FOXL1: variants seen among roughly 807,000 people sequenced by gnomAD.
FOXL1 encodes forkhead box L1.
Under a neutral mutation model 1.7 loss-of-function variants are expected in FOXL1, and 2 were observed. The observed-to-expected ratio is 1.21, with a 90% CI of 0.49 to 3.80. The LOEUF is 3.80. Among genes scored for constraint, FOXL1 ranks in the 30% most tolerant of loss-of-function variants. The probability of loss-of-function intolerance (pLI) is 0.07; values close to 1 mark genes in which losing one functional copy is unlikely to be tolerated. For synonymous variants in FOXL1, 280 were observed against 229.3 expected (o/e 1.22, Z -2.00); for missense variants, 565 against 495.8 (o/e 1.14, Z -1.32).
In FOXL1 at chr16:86,579,887, G is replaced by T; in HGVS notation, c.*126G>T. The T allele has an allele frequency of 2.0e-6, 2 of 988,250 alleles. No individual in the cohort carries two copies. Among genetic ancestry groups the T allele is most frequent in the Non-Finnish European group, 3.0e-6 (2 of 667,622 alleles). 61.2% of individuals were successfully genotyped at this position (988,250 alleles called of 1,614,324 possible). A position where few individuals can be genotyped will look rare whatever the true frequency, so the allele number is the denominator to read the frequency against. On this transcript the variant is annotated 3_prime_UTR_variant, in exon 1 of 1. Coordinates refer to ENST00000320241, the MANE Select transcript of FOXL1 (RefSeq NM_005250.3). Reference sequence around the variant, plus strand: ...TGGGTCGGCCTGTGGGTTCAGGGAAGTGTTACCAACCATTGCGCGCAGGTG... The same window carrying T: ...TGGGTCGGCCTGTGGGTTCAGGGAATTGTTACCAACCATTGCGCGCAGGTG...
chr16:86,579,901 T>C lies in FOXL1; in HGVS notation c.*140T>C, dbSNP rs1409999622. 2.4e-6 allele frequency: 2 copies of C among 850,062 alleles called. No individual in the cohort carries two copies. The highest frequency in any genetic ancestry group is 3.4e-5 in the African/African-American group (2 of 58,414). The allele number at this position is 850,062 out of a possible 1,614,324, so 52.7% of individuals were successfully genotyped here. The stretch of plus-strand genomic sequence containing the variant: ...GGTTCAGGGAAGTGTTACCAACCAT[T>C]GCGCGCAGGTGGGCGCGCTCGCCTG... On this transcript the variant is annotated 3_prime_UTR_variant, in exon 1 of 1. Transcript: ENST00000320241.
rs138954668 is a variant in FOXL1 at position 86,579,615 on chromosome 16, C to T, written c.892C>T (p.Leu298=). 20 of 1,613,206 alleles carry T rather than the reference C, an allele frequency of 1.2e-5. No individual in the cohort carries two copies. Among genetic ancestry groups the T allele is most frequent in the Admixed American group, 3.3e-5 (2 of 60,000 alleles). The change falls in exon 1 of 1, where the codon CTG becomes TTG. Residue 298 remains leucine, a synonymous_variant. Coordinates refer to ENST00000320241, the MANE Select transcript of FOXL1 (RefSeq NM_005250.3). ...CGGCGGCCGTCTGGGTGCCTCGCTC[C>T]TGGCCGCCTCCTCCAGCCTCCGTCC... ...GPGGRLGASL[L]AASSSLRPPF... is the part of the protein sequence containing the mutation.
In FOXL1 at chr16:86,579,263, C is replaced by T. The variant is rs1248341217; in HGVS notation, c.540C>T (p.Gly180=). ...CGGGGAGCGGGGCAGGGGGCTCGGG[C>T]CCCGCAATCTCCCGCCTGCAGGCAG... ...PEAGSGAGGS[G]PAISRLQAAP... The change falls in exon 1 of 1, where the codon GGC becomes GGT. Residue 180 remains glycine (G), a synonymous_variant. Transcript: ENST00000320241. 4 of 849,322 alleles carry T rather than the reference C, an allele frequency of 4.7e-6. No homozygotes were observed. The highest frequency in any genetic ancestry group is 1.9e-5 in the African/African-American group (1 of 53,402). 52.6% of individuals were successfully genotyped at this position (849,322 alleles called of 1,614,324 possible). A position where few individuals can be genotyped will look rare whatever the true frequency, so the allele number is the denominator to read the frequency against.
rs899095762 is a variant in FOXL1 at position 86,582,458 on chromosome 16, C to G, written c.*2697C>G. 1.1e-4 allele frequency among the ~76,000 whole-genome samples: 16 copies of G among 152,200 alleles called. No individual in the cohort carries two copies. Among genetic ancestry groups the G allele is most frequent in the African/African-American group, 3.9e-4 (16 of 41,442 alleles). On this transcript the variant is annotated 3_prime_UTR_variant, in exon 1 of 1. Coordinates refer to ENST00000320241, the MANE Select transcript of FOXL1 (RefSeq NM_005250.3). The stretch of plus-strand genomic sequence containing the variant: ...TGAAGGAATACCTCTCTGCTCTCAT[C>G]TAAACAAAGGGAACAGATCTGTCTT...
In FOXL1 at chr16:86,580,868, G is replaced by A. The variant is rs1024265074; in HGVS notation, c.*1107G>A. The A allele has an allele frequency of 3.0e-5, 5 of 166,988 alleles. No individual in the cohort carries two copies. Among genetic ancestry groups the A allele is most frequent in the Admixed American group, 2.0e-4 (3 of 15,270 alleles). 10.3% of individuals were successfully genotyped at this position (166,988 alleles called of 1,614,324 possible). On this transcript the variant is annotated 3_prime_UTR_variant, in exon 1 of 1. Transcript: ENST00000320241. ...TGCAGAGAGAGAGAGGGATGAATGC[G>A]GGGGAAGAATAAGGGGACGTGCTGG...
chr16:86,579,793 C>T lies in FOXL1; in HGVS notation c.*32C>T, dbSNP rs1292145528. On this transcript the variant is annotated 3_prime_UTR_variant, in exon 1 of 1. Transcript: ENST00000320241. ...CAATGGCACGGTTCTTCTCCCGGCC[C>T]AGCCTGAGCCTCCGCTGAGCGAAAG... The T allele has an allele frequency of 1.3e-6, 2 of 1,576,204 alleles. No individual in the cohort carries two copies.
Position 86,582,539 on chromosome 16 carries a change from A to G in FOXL1, c.*2778A>G, listed in dbSNP as rs1013670264. Among the ~76,000 whole-genome samples the G allele has an allele frequency of 2.6e-5, 4 of 152,088 alleles. No individual in the cohort carries two copies. Among genetic ancestry groups the G allele is most frequent in the African/African-American group, 9.7e-5 (4 of 41,396 alleles). On this transcript the variant is annotated 3_prime_UTR_variant, in exon 1 of 1. Coordinates refer to ENST00000320241, the MANE Select transcript of FOXL1 (RefSeq NM_005250.3). ...TACACACACACACAAACAAATACCC[A>G]CACACATATGAGTGCACTGATCATA...
rs758564491 is a variant in FOXL1 at position 86,578,701 on chromosome 16, C to A, written c.-23C>A. 6.3e-7 allele frequency: 1 copy of A among 1,574,910 alleles called. No homozygotes were observed. The highest frequency in any genetic ancestry group is 1.2e-5 in the South Asian group (1 of 85,328). ...CCCGGGTCTCCTGCGTTGCGGGGAG[C>A]GCAGCGCAGGCTCTCGCTTGCCATG... On this transcript the variant is annotated 5_prime_UTR_variant, in exon 1 of 1. Transcript: ENST00000320241.
chr16:86,579,170 C>G lies in FOXL1; in HGVS notation c.447C>G (p.Pro149=). The stretch of plus-strand genomic sequence containing the variant: ...GGAAGAGGAAGCCCAAGCCGGGCCC[C>G]GGGGCCCCGGAGGCCAAGAGGCCCC... ...RRRKRKPKPG[P]GAPEAKRPRA... The change falls in exon 1 of 1, where the codon CCC becomes CCG. Residue 149 remains proline, a synonymous_variant. Coordinates refer to ENST00000320241, the MANE Select transcript of FOXL1 (RefSeq NM_005250.3). The G allele has an allele frequency of 6.2e-7, 1 of 1,607,794 alleles. No individual in the cohort carries two copies. The highest frequency in any genetic ancestry group is 8.5e-7 in the Non-Finnish European group (1 of 1,177,770).
Position 86,581,316 on chromosome 16 carries a change from G to A in FOXL1, c.*1555G>A, listed in dbSNP as rs1464922263. ...GGTTGGGAGGGAGGTCTTTAAGATC[G>A]CTTTTAAAATAGTTTCCAGGACTTG... On this transcript the variant is annotated 3_prime_UTR_variant, in exon 1 of 1. Transcript: ENST00000320241. 1.8e-5 allele frequency: 3 copies of A among 167,072 alleles called. No individual in the cohort carries two copies. The highest frequency in any genetic ancestry group is 4.4e-5 in the Non-Finnish European group (3 of 68,122). 10.3% of individuals were successfully genotyped at this position (167,072 alleles called of 1,614,324 possible). A position where few individuals can be genotyped will look rare whatever the true frequency, so the allele number is the denominator to read the frequency against.
rs112864402 is a variant in FOXL1 at position 86,579,266 on chromosome 16, C to T, written c.543C>T (p.Pro181=). Residue 181 remains proline (P), a synonymous_variant, in exon 1 of 1, where the codon CCC becomes CCT. Transcript: ENST00000320241. Reference sequence around the variant, plus strand: ...GGAGCGGGGCAGGGGGCTCGGGCCCCGCAATCTCCCGCCTGCAGGCAGCGC... The same window carrying T: ...GGAGCGGGGCAGGGGGCTCGGGCCCTGCAATCTCCCGCCTGCAGGCAGCGC... The part of the protein sequence containing the change: ...EAGSGAGGSG[P]AISRLQAAPA... 7.0e-7 allele frequency: 1 copy of T among 1,421,534 alleles called. No homozygotes were observed. The highest frequency in any genetic ancestry group is 1.5e-5 in the South Asian group (1 of 66,990). The allele number at this position is 1,421,534 out of a possible 1,614,324, so 88.1% of individuals were successfully genotyped here. A position where few individuals can be genotyped will look rare whatever the true frequency, so the allele number is the denominator to read the frequency against.
chr16:86,579,441 C>A lies in FOXL1; in HGVS notation c.718C>A (p.Pro240Thr), dbSNP rs1445125748. The stretch of plus-strand genomic sequence containing the variant: ...CCAGGCAGCGCGCACAGGGGACGGC[C>A]CGGGGTCCCCTCTGCGCCCCGCCTC... ...VGQAARTGDG[P>T]GSPLRPASRS... is the part of the protein sequence containing the mutation. Residue 240 changes from proline (P) to threonine (T), a missense_variant, in exon 1 of 1, where the codon CCG (proline) becomes ACG (threonine). Pro to Thr is a conservative substitution (Grantham distance 38). Coordinates refer to ENST00000320241, the MANE Select transcript of FOXL1 (RefSeq NM_005250.3). 6.5e-7 allele frequency: 1 copy of A among 1,549,272 alleles called. No individual in the cohort carries two copies. Among genetic ancestry groups the A allele is most frequent in the Non-Finnish European group, 8.7e-7 (1 of 1,147,288 alleles).
Position 86,579,287 on chromosome 16 carries a change from A to T in FOXL1, c.564A>T (p.Ala188=), listed in dbSNP as rs1310841555. 9.2e-7 allele frequency: 1 copy of T among 1,088,894 alleles called. No individual in the cohort carries two copies. The highest frequency in any genetic ancestry group is 1.7e-5 in the African/African-American group (1 of 57,502). The allele number at this position is 1,088,894 out of a possible 1,614,324, so 67.5% of individuals were successfully genotyped here. The change falls in exon 1 of 1, where the codon GCA becomes GCT. Residue 188 remains alanine (A), a synonymous_variant. Coordinates refer to ENST00000320241, the MANE Select transcript of FOXL1 (RefSeq NM_005250.3). ...GCCCCGCAATCTCCCGCCTGCAGGCAGCGCCCGCGGGCCCCTCGCCCCTCC... is the reference window on the plus strand; with the variant it reads ...GCCCCGCAATCTCCCGCCTGCAGGCTGCGCCCGCGGGCCCCTCGCCCCTCC... ...GSGPAISRLQ[A]APAGPSPLLD...
rs545367624 is a variant in FOXL1 at position 86,583,362 on chromosome 16, T to C, written c.*3601T>C. On this transcript the variant is annotated 3_prime_UTR_variant, in exon 1 of 1. Coordinates refer to ENST00000320241, the MANE Select transcript of FOXL1 (RefSeq NM_005250.3). ...CCATGATTTTGTGCACTTCCTGGCT[T>C]CATGGTGGATGGAGTCTTGTTTCCA... 6.6e-6 allele frequency among the ~76,000 whole-genome samples: 1 copy of C among 152,088 alleles called. No individual in the cohort carries two copies. The highest frequency in any genetic ancestry group is 2.4e-5 in the African/African-American group (1 of 41,400).
At position 86,579,899 on chromosome 16, in the gene FOXL1, A is replaced by G. The variant is rs1974391676; in HGVS notation, c.*138A>G. On this transcript the variant is annotated 3_prime_UTR_variant, in exon 1 of 1. Transcript: ENST00000320241. ...TGGGTTCAGGGAAGTGTTACCAACC[A>G]TTGCGCGCAGGTGGGCGCGCTCGCC... 3 of 881,098 alleles carry G rather than the reference A, an allele frequency of 3.4e-6. No homozygotes were observed. The allele number at this position is 881,098 out of a possible 1,614,324, so 54.6% of individuals were successfully genotyped here. A position where few individuals can be genotyped will look rare whatever the true frequency, so the allele number is the denominator to read the frequency against.
rs4843173 is a variant in FOXL1, at chr16:86,581,663, C to T, written c.*1902C>T. On this transcript the variant is annotated 3_prime_UTR_variant, in exon 1 of 1. Transcript: ENST00000320241. ...TATTTTGCTATCCCAAACTCTCAGC[C>T]TCTGTGAATAAAGTTGTTTTTTCAT... The T allele has an allele frequency of 0.047, 7,921 of 167,208 alleles. 301 individuals are homozygous for T. Among genetic ancestry groups the T allele is most frequent in the Middle Eastern group, 0.11 (33 of 296 alleles). 10.4% of individuals were successfully genotyped at this position (167,208 alleles called of 1,614,324 possible).
rs1476367994 is a variant in FOXL1, at chr16:86,583,251, C to A, written c.*3490C>A. Among the ~76,000 whole-genome samples the A allele has an allele frequency of 6.6e-6, 1 of 151,830 alleles. No homozygotes were observed. The highest frequency in any genetic ancestry group is 1.5e-5 in the Non-Finnish European group (1 of 67,998). The stretch of plus-strand genomic sequence containing the variant: ...GAAAGCCAGAGCCAGCCTGCCCAGA[C>A]CCTGGCAGGTTAATGTTAACATCAC... On this transcript the variant is annotated 3_prime_UTR_variant, in exon 1 of 1. Transcript: ENST00000320241.
Position 86,579,496 on chromosome 16 carries a change from C to G in FOXL1, c.773C>G (p.Ser258Cys). 2 of 1,586,180 alleles carry G rather than the reference C, an allele frequency of 1.3e-6. No individual in the cohort carries two copies. Among genetic ancestry groups the G allele is most frequent in the South Asian group, 1.1e-5 (1 of 87,746 alleles). ...AGCTCTCCGAAGAGCTCCGACAAGTCCAAGAGCTTCAGCATAGACAGCATC... is the reference window on the plus strand; with the variant it reads ...AGCTCTCCGAAGAGCTCCGACAAGTGCAAGAGCTTCAGCATAGACAGCATC... ...SRSSPKSSDK[S>C]KSFSIDSILA... The change falls in exon 1 of 1, where the codon TCC becomes TGC. Residue 258 changes from serine to cysteine, a missense_variant. By Grantham distance (112) the Ser-to-Cys change is moderately radical. Transcript: ENST00000320241.
In FOXL1 at chr16:86,580,995, TCTTCCCTCCCAGCCCTG is replaced by T. The variant is rs1974406514; in HGVS notation, c.*1236_*1252del. The stretch of plus-strand genomic sequence containing the variant: ...CCCCGCACCCCCTGCAGCCGCCCGC[TCTTCCCTCCCAGCCCTG>T]CCAGGCAGGCCTGGAGGCTGATACT... On this transcript the variant is annotated 3_prime_UTR_variant, in exon 1 of 1. Coordinates refer to ENST00000320241, the MANE Select transcript of FOXL1 (RefSeq NM_005250.3). 1 of 167,040 alleles carries T rather than the reference TCTTCCCTCCCAGCCCTG, an allele frequency of 6.0e-6. No individual in the cohort carries two copies. The highest frequency in any genetic ancestry group is 1.5e-5 in the Non-Finnish European group (1 of 68,154). 10.3% of individuals were successfully genotyped at this position (167,040 alleles called of 1,614,324 possible).
Sources: gnomAD v4.1 joint callset for allele counts (sites outside exome capture counted in the v4.1 genomes callset) on GRCh38, gnomAD v4.1.1 for gene constraint, MANE v1.5 for transcripts, NCBI Gene and HGNC (gene_info 2026-07-23, HGNC 2026-07-21) for gene names.